Variants in ACACB observed in about 807,000 individuals in gnomAD.
ACACB encodes the protein acetyl-CoA carboxylase 2.
ACACB carries 209 observed loss-of-function variants against 278.8 expected under a neutral mutation model. The ratio of observed to expected loss-of-function variants is 0.75; its 90% CI spans 0.67 to 0.84. The LOEUF is 0.84. Ranked by LOEUF, ACACB falls within the 40% of genes least tolerant of loss-of-function variation. ACACB has a pLI of 0.00. For synonymous variants in ACACB, 1,174 were observed against 1,285.6 expected (o/e 0.91, Z 1.86); for missense variants, 2,850 against 3,269.0 (o/e 0.87, Z 3.13).
Position 109,156,641 on chromosome 12 carries a change from C to T in ACACB, c.654-10220C>T, listed in dbSNP as rs987325516. On this transcript the variant is annotated intron_variant, in intron 2 of 52. Coordinates refer to ENST00000338432, the MANE Select transcript of ACACB (RefSeq NM_001093.4). Reference sequence around the variant, plus strand: ...ATTATCAACAGCACAGTGAGGAATACCCCTGTAGCTGAATCTCTGCCTCCA... The same window carrying T: ...ATTATCAACAGCACAGTGAGGAATATCCCTGTAGCTGAATCTCTGCCTCCA... Among the ~76,000 whole-genome samples, 12 of 149,794 alleles carry T rather than the reference C, an allele frequency of 8.0e-5. No homozygotes were observed. The East Asian group carries it at 2.2e-3, about 27-fold the overall frequency.
At chr12:109,123,177 T>A (rs1388754657) in intron 1 of ACACB, among the ~76,000 whole-genome samples, 3 of 139,074 alleles carry the variant, frequency 2.2e-5, no homozygotes, top group Non-Finnish European at 3.1e-5. Flanking sequence ...CGAGACTCCA[T>A]CTCAAAAAAA....
rs1452176456 is a variant in ACACB, at chr12:109,174,163, A to G, written c.1149A>G (p.Gly383=). Residue 383 remains glycine (G), a synonymous_variant, in exon 7 of 53, where the codon GGA becomes GGG. Coordinates refer to ENST00000338432, the MANE Select transcript of ACACB (RefSeq NM_001093.4). The part of the protein sequence containing the change: ...GPPSEAMWAL[G]DKIASTVVAQ... ...CCAGTGAGGCCATGTGGGCCTTAGGAGATAAGATCGCCTCCACCGTTGTCG... is the reference window on the plus strand; with the variant it reads ...CCAGTGAGGCCATGTGGGCCTTAGGGGATAAGATCGCCTCCACCGTTGTCG... 1.2e-6 allele frequency: 2 copies of G among 1,613,032 alleles called. No individual in the cohort carries two copies. Among genetic ancestry groups the G allele is most frequent in the Admixed American group, 3.3e-5 (2 of 59,924 alleles).
At chr12:109,144,754 C>CTT (rs71079528) in intron 2 of ACACB, among the ~76,000 whole-genome samples, 1 of 102,818 alleles carries the variant, frequency 9.7e-6, no homozygotes, top group Non-Finnish European at 1.8e-5. Context: ...TTCTTTCTTT[C>CTT]TTTTTTTTTT....
intron 4 of ACACB, among the ~76,000 whole-genome samples, chr12:109,168,745 C>T (rs1448561517): frequency 6.6e-6 from 1 of 152,100 alleles, no homozygotes; most frequent in African/African-American, 2.4e-5. Flanking sequence ...TCGCTTCAGC[C>T]CAGGGGGTCT....
rs373813180 is a variant in ACACB at position 109,166,873 on chromosome 12, G to A, written c.666G>A (p.Ser222=). The A allele has an allele frequency of 1.2e-5, 20 of 1,613,844 alleles. No individual in the cohort carries two copies. In the Admixed American group the frequency reaches 1.5e-4, roughly 12 times the overall value. Residue 222 remains serine, a synonymous_variant, in exon 3 of 53, where the codon TCG becomes TCA. Transcript: ENST00000338432. ...TRVPTMRPSM[S]GLHLVKRGRE... ...TCTTATTCTGCAGGCCGAGCATGTC[G>A]GGACTCCACCTGGTGAAGAGGGGAC...
At chr12:109,119,888 C>G (rs940245451) in intron 1 of ACACB, among the ~76,000 whole-genome samples, 4 of 151,934 alleles carry the variant, frequency 2.6e-5, no homozygotes, top group African/African-American at 9.7e-5. Flanking sequence ...GAGCGAGACT[C>G]CATCTCAGAA....
chr12:109,258,156 G>A (rs766063167), intron 45 of ACACB, 112 bp from the exon 46 acceptor site: 34 of 714,768 alleles, frequency 4.8e-5, no homozygotes, highest in South Asian at 1.0e-4. Flanking sequence ...AAAATAATCC[G>A]CCAGATTAAA....
At chr12:109,146,787 G>T (rs1367784477) in intron 2 of ACACB, among the ~76,000 whole-genome samples, 1 of 151,976 alleles carries the variant, frequency 6.6e-6, no homozygotes, top group Non-Finnish European at 1.5e-5. Context: ...TGATCCTCCC[G>T]TCTCAGCCTC....
intron 28 of ACACB, among the ~76,000 whole-genome samples, chr12:109,228,730 G>T (rs1440444701): frequency 6.6e-6 from 1 of 151,938 alleles, no homozygotes; most frequent in African/African-American, 2.4e-5. Flanking sequence ...TTATTTGACA[G>T]TGGAGTTCTA....
chr12:109,192,294 C>T (rs367933936), intron 15 of ACACB, among the ~76,000 whole-genome samples: 3 of 152,254 alleles, frequency 2.0e-5, no homozygotes, highest in Non-Finnish European at 2.9e-5. Context: ...TCTCTACAAG[C>T]GGGTGCATTC....
chr12:109,265,468 C>T lies in ACACB; in HGVS notation c.7193C>T (p.Thr2398Ile). 6.2e-7 allele frequency: 1 copy of T among 1,613,592 alleles called. No individual in the cohort carries two copies. Among genetic ancestry groups the T allele is most frequent in the Non-Finnish European group, 8.5e-7 (1 of 1,179,868 alleles). The change falls in exon 52 of 53, where the codon ACC becomes ATC. Residue 2398 changes from threonine to isoleucine, a missense_variant. Thr to Ile is a moderately conservative substitution (Grantham distance 89). Transcript: ENST00000338432. The stretch of plus-strand genomic sequence containing the variant: ...CAGGCAGGGGATGGCCCGCGCTCCA[C>T]CATCCGTGAGAACATCACGTACCTG... ...HWQAGDGPRS[T>I]IRENITYLKH...
chr12:109,260,146 G>A lies in ACACB; in HGVS notation c.6497-334G>A, dbSNP rs1355777913. On this transcript the variant is annotated intron_variant, in intron 47 of 52. Transcript: ENST00000338432. ...ATGCACATTGGGGAAGGATCAGTGT[G>A]ACTGTTAGTGAGGGTTTTCTTTGCT... 6.4e-6 allele frequency: 9 copies of A among 1,398,666 alleles called. No homozygotes were observed. In the African/African-American group the frequency reaches 1.0e-4, roughly 16 times the overall value. The allele number at this position is 1,398,666 out of a possible 1,614,324, so 86.6% of individuals were successfully genotyped here.
intron 9 of ACACB, among the ~76,000 whole-genome samples, chr12:109,177,647 C>T (rs933158380): frequency 6.6e-6 from 1 of 152,040 alleles, no homozygotes; most frequent in African/African-American, 2.4e-5. Flanking sequence ...ATCCTTCGCC[C>T]GGTTTCACTC....
intron 2 of ACACB, among the ~76,000 whole-genome samples, chr12:109,148,649 A>G (rs1220352801): frequency 6.6e-6 from 1 of 152,206 alleles, no homozygotes; most frequent in Non-Finnish European, 1.5e-5. Context: ...CCTTCCTAAA[A>G]ACAATAATTT....
intron 7 of ACACB, 55 bp from the exon 8 acceptor site, chr12:109,175,876 T>TTG: frequency 6.7e-7 from 1 of 1,499,016 alleles, no homozygotes; most frequent in Non-Finnish European, 9.3e-7. Context: ...GGTTTCTGGG[T>TTG]TGTGTGTGTT....
intron 48 of ACACB, 125 bp from the exon 49 acceptor site, chr12:109,262,232 A>G: frequency 1.5e-6 from 1 of 685,908 alleles, no homozygotes; most frequent in Non-Finnish European, 2.6e-6. Context: ...GTGTGGGGGT[A>G]AAAGAGCTGA....
rs186459835 is a variant in ACACB at position 109,259,231 on chromosome 12, C to G, written c.6496+123C>G. On this transcript the variant is annotated intron_variant, in intron 47 of 52. Transcript: ENST00000338432. ...TCATCATCTTAGCTGTGTCTCCCAA[C>G]AACCCTGAGGAGAAAATATTGTTCA... The G allele has an allele frequency of 2.1e-4, 264 of 1,231,304 alleles. 1 individual carries two copies. The Middle Eastern group carries it at 4.0e-3, about 19-fold the overall frequency. The allele number at this position is 1,231,304 out of a possible 1,614,324, so 76.3% of individuals were successfully genotyped here.
In ACACB at chr12:109,188,097, C is replaced by T. The variant is rs556070011; in HGVS notation, c.2079C>T (p.His693=). Residue 693 remains histidine, a synonymous_variant, in exon 13 of 53, where the codon CAC becomes CAT. Coordinates refer to ENST00000338432, the MANE Select transcript of ACACB (RefSeq NM_001093.4). ...GCGTGGCCGCTACTGGAGGCCTGCA[C>T]GAGTTTGCGGATTCCCAATTTGGGC... ...YFSVAATGGL[H]EFADSQFGHC... 14 of 1,613,504 alleles carry T rather than the reference C, an allele frequency of 8.7e-6. No individual in the cohort carries two copies. The highest frequency in any genetic ancestry group is 8.3e-5 in the Admixed American group (5 of 60,010).
intron 1 of ACACB, among the ~76,000 whole-genome samples, chr12:109,131,838 C>T (rs2042835237): frequency 6.6e-6 from 1 of 152,156 alleles, no homozygotes; most frequent in Admixed American, 6.5e-5. Flanking sequence ...TGGAAGGGCT[C>T]GTCTGGCCTT....
Sources: gnomAD v4.1 joint callset for allele counts (sites outside exome capture counted in the v4.1 genomes callset) on GRCh38, gnomAD v4.1.1 for gene constraint, MANE v1.5 for transcripts, NCBI Gene and HGNC (gene_info 2026-07-23, HGNC 2026-07-21) for gene names.